GCNT1: variants seen among roughly 807,000 people sequenced by gnomAD.
GCNT1 encodes glucosaminyl (N-acetyl) transferase 1.
GCNT1 carries 16 observed loss-of-function variants against 26.2 expected under a neutral mutation model. The ratio of observed to expected loss-of-function variants is 0.61; its 90% confidence interval spans 0.41 to 0.93. The LOEUF (loss-of-function observed/expected upper bound fraction) is 0.93, where lower values mean the gene tolerates loss of function less well. Ranked by LOEUF, GCNT1 falls within the 40% of genes least tolerant of loss-of-function variation. GCNT1 has a pLI of 0.00. For missense variants in GCNT1, 477 were observed against 526.7 expected, an observed-to-expected ratio of 0.91 and a Z score of 0.92; for synonymous variants, 183 against 190.8, an observed-to-expected ratio of 0.96 and a Z score of 0.34.
upstream of GCNT1, among the ~76,000 whole-genome samples, chr9:76,439,106 A>T (rs768796630): frequency 6.6e-6 from 1 of 152,218 alleles, no homozygotes; most frequent in Non-Finnish European, 1.5e-5. Context: ...AGTGGTTCTG[A>T]AAGGGTGGTT....
At chr9:76,494,842 G>T (rs1486652214) in intron 2 of GCNT1, among the ~76,000 whole-genome samples, 1 of 152,132 alleles carries the variant, frequency 6.6e-6, no homozygotes, top group Non-Finnish European at 1.5e-5. Context: ...TGGCTACAGG[G>T]TCAGCCAACT....
intron 2 of GCNT1, among the ~76,000 whole-genome samples, chr9:76,477,946 G>A (rs542642637): frequency 6.6e-6 from 1 of 152,140 alleles, no homozygotes; most frequent in Non-Finnish European, 1.5e-5. Context: ...TCTAGTTAAA[G>A]GATTGTAAAT....
At chr9:76,488,109 A>T (rs954729294) in intron 2 of GCNT1, among the ~76,000 whole-genome samples, 4 of 152,166 alleles carry the variant, frequency 2.6e-5, no homozygotes, top group African/African-American at 9.7e-5. Context: ...AATCCATTTG[A>T]TGTGGCTTAG....
At chr9:76,455,581 C>CT (rs574711386), upstream of GCNT1, among the ~76,000 whole-genome samples, 2,638 of 151,266 alleles carry the variant, frequency 0.017, 77 homozygotes, top group African/African-American at 0.06. Flanking sequence ...CATCCCCTTA[C>CT]TTTTTTTTTA....
chr9:76,465,025 G>C (rs1823962044), intron 2 of GCNT1, among the ~76,000 whole-genome samples: 1 of 152,032 alleles, frequency 6.6e-6, no homozygotes, highest in Non-Finnish European at 1.5e-5. Context: ...TCGGGCTGGA[G>C]TGCAGTGGCT....
chr9:76,435,279 G>A lies in GCNT1; in HGVS notation n.38+15392G>A, dbSNP rs148287908. Among the ~76,000 whole-genome samples the A allele has an allele frequency of 2.6e-3, 402 of 152,116 alleles. 1 individual carries two copies. The highest frequency in any genetic ancestry group is 9.3e-3 in the African/African-American group (386 of 41,488). On this transcript the variant is annotated intron_variant and non_coding_transcript_variant, in intron 1 of 3. Coordinates refer to the GCNT1 transcript ENST00000488136. ...ACTGATATGTGATGTCACCCCTGGCGGCCCAGCTGTAAAATTCCTCTCTTT... is the reference window on the plus strand; with the variant it reads ...ACTGATATGTGATGTCACCCCTGGCAGCCCAGCTGTAAAATTCCTCTCTTT...
At chr9:76,482,762 A>G (rs928289387) in intron 2 of GCNT1, among the ~76,000 whole-genome samples, 1 of 151,140 alleles carries the variant, frequency 6.6e-6, no homozygotes, top group East Asian at 2.0e-4. Context: ...CTCCCACCTC[A>G]GCCTCCTGGG....
intron 2 of GCNT1, among the ~76,000 whole-genome samples, chr9:76,473,449 T>C (rs1244356314): frequency 6.6e-6 from 1 of 152,162 alleles, no homozygotes; most frequent in Non-Finnish European, 1.5e-5. Context: ...AAAGTTACCC[T>C]TAGACATGAG....
chr9:76,421,096 G>T (rs1307929288), intron 1 of GCNT1, among the ~76,000 whole-genome samples: 2 of 152,028 alleles, frequency 1.3e-5, no homozygotes, highest in African/African-American at 2.4e-5. Flanking sequence ...GTATATAAAT[G>T]CAAGTGGAAA....
chr9:76,417,073 T>C (rs1184313395), upstream of GCNT1, among the ~76,000 whole-genome samples: 2 of 152,062 alleles, frequency 1.3e-5, no homozygotes, highest in South Asian at 2.1e-4. Context: ...AAAGAAGATA[T>C]GATAAAAAAT....
At chr9:76,394,736 G>GT in the GCNT1 span, among the ~76,000 whole-genome samples, 5 of 151,768 alleles carry the variant, frequency 3.3e-5, no homozygotes, top group South Asian at 2.1e-4. Context: ...AACAATTCTG[G>GT]TTTTTTTTTC....
At chr9:76,417,481 T>TC (rs1823142932), upstream of GCNT1, among the ~76,000 whole-genome samples, 2 of 152,186 alleles carry the variant, frequency 1.3e-5, no homozygotes, top group Non-Finnish European at 2.9e-5. Context: ...AAGGAGTAAC[T>TC]GGATAAGAAG....
chr9:76,395,587 C>G, the GCNT1 span, among the ~76,000 whole-genome samples: 1 of 151,424 alleles, frequency 6.6e-6, no homozygotes, highest in Non-Finnish European at 1.5e-5. Context: ...ACACCCTCAC[C>G]CCTTAAAAGA....
upstream of GCNT1, chr9:76,419,744 A>G (rs1823165175): frequency 6.6e-6 from 1 of 152,246 alleles, no homozygotes; most frequent in African/African-American, 2.4e-5. Flanking sequence ...ATACTGCTAC[A>G]TTGTGACTTA....
chr9:76,495,852 T>G (rs145149385), intron 2 of GCNT1, among the ~76,000 whole-genome samples: 2 of 152,352 alleles, frequency 1.3e-5, no homozygotes, highest in East Asian at 3.9e-4. Context: ...ATTAATATTT[T>G]TTTAACATAT....
chr9:76,447,712 GA>G (rs544474151), intron 1 of GCNT1, among the ~76,000 whole-genome samples: 94 of 152,314 alleles, frequency 6.2e-4, no homozygotes, highest in African/African-American at 2.0e-3. Flanking sequence ...CAGTATGGAG[GA>G]TGTTTATTAA....
chr9:76,447,853 A>G (rs1823603753), intron 1 of GCNT1, among the ~76,000 whole-genome samples: 1 of 152,216 alleles, frequency 6.6e-6, no homozygotes. Context: ...CCCTGTGTCC[A>G]GTACGCCCTG....
At chr9:76,410,561 G>A in the GCNT1 span, among the ~76,000 whole-genome samples, 1 of 151,948 alleles carries the variant, frequency 6.6e-6, no homozygotes, top group African/African-American at 2.4e-5. Context: ...AGACTAGCCT[G>A]GGCAACATAG....
chr9:76,487,624 C>T (rs1418533020), intron 2 of GCNT1, among the ~76,000 whole-genome samples: 1 of 152,178 alleles, frequency 6.6e-6, no homozygotes, highest in Non-Finnish European at 1.5e-5. Flanking sequence ...CTGTGGTTGT[C>T]TGTTGGCTTG....
Sources: gnomAD v4.1 joint callset for allele counts (sites outside exome capture counted in the v4.1 genomes callset) on GRCh38, gnomAD v4.1.1 for gene constraint, MANE v1.5 for transcripts, NCBI Gene and HGNC (gene_info 2026-07-23, HGNC 2026-07-21) for gene names.